The following CTNNA2 variants were observed in gnomAD, a reference collection of about 807,000 sequenced individuals.
CTNNA2 encodes the protein catenin alpha-2.
In CTNNA2, 42 loss-of-function variants were observed where a neutral mutation model predicts 101.0. The ratio of observed to expected loss-of-function variants is 0.42; its 90% CI spans 0.32 to 0.54. CTNNA2 has a LOEUF of 0.54. Ranked by LOEUF, CTNNA2 falls within the 20% of genes least tolerant of loss-of-function variation. CTNNA2 has a pLI of 0.14. For synonymous variants in CTNNA2, 450 were observed against 456.4 expected (o/e 0.99, Z 0.18); for missense variants, 871 against 1,223.1 (o/e 0.71, Z 4.29).
At chr2:79,692,417 T>C (rs377510039) in intron 2 of CTNNA2, among the ~76,000 whole-genome samples, 1 of 152,126 alleles carries the variant, frequency 6.6e-6, no homozygotes, top group Non-Finnish European at 1.5e-5. Flanking sequence ...TTTACACGGT[T>C]GGTAGAAGTA....
At chr2:80,053,343 A>G (rs1368008655) in intron 7 of CTNNA2, among the ~76,000 whole-genome samples, 1 of 152,230 alleles carries the variant, frequency 6.6e-6, no homozygotes, top group East Asian at 1.9e-4. Context: ...AAATGCCGGT[A>G]AATAATGGCA....
intron 7 of CTNNA2, among the ~76,000 whole-genome samples, chr2:80,307,049 A>G (rs372448785): frequency 2.0e-5 from 3 of 148,314 alleles, no homozygotes; most frequent in Non-Finnish European, 4.5e-5. Flanking sequence ...AATAAATTAT[A>G]TATATATATT....
intron 1 of CTNNA2, chr2:79,547,322 C>G (rs1332705073): frequency 6.6e-6 from 1 of 152,140 alleles, no homozygotes; most frequent in African/African-American, 2.4e-5. Context: ...AAGAATTGCT[C>G]TCCCATATGA....
At chr2:80,487,451 A>G (rs1481934321) in intron 9 of CTNNA2, among the ~76,000 whole-genome samples, 7 of 152,076 alleles carry the variant, frequency 4.6e-5, no homozygotes, top group Non-Finnish European at 1.0e-4. Context: ...AAAACTTATA[A>G]TCATGGCAGA....
At chr2:79,907,171 A>G (rs1685480366) in intron 6 of CTNNA2, among the ~76,000 whole-genome samples, 1 of 152,194 alleles carries the variant, frequency 6.6e-6, no homozygotes, top group South Asian at 2.1e-4. Context: ...TTAAAGCAGA[A>G]CATATGGTTT....
intron 7 of CTNNA2, among the ~76,000 whole-genome samples, chr2:79,940,542 A>G (rs180690652): frequency 7.1e-4 from 108 of 152,324 alleles, no homozygotes; most frequent in Non-Finnish European, 1.8e-4. Context: ...GCCTTCTAGC[A>G]GGCAGCAGAT....
At chr2:79,341,178 C>T (rs1677129125) in intron 3 of CTNNA2, among the ~76,000 whole-genome samples, 1 of 152,060 alleles carries the variant, frequency 6.6e-6, no homozygotes, top group Non-Finnish European at 1.5e-5. Context: ...TGATCGTGAG[C>T]ACCATGTTTA....
At chr2:80,230,256 C>CTTT (rs1430035888) in intron 7 of CTNNA2, among the ~76,000 whole-genome samples, 3 of 103,664 alleles carry the variant, frequency 2.9e-5, no homozygotes, top group African/African-American at 1.3e-4. Flanking sequence ...CTTTTTTTTT[C>CTTT]TTTGTTTTTT....
At chr2:80,140,081 G>A (rs1241655434) in intron 7 of CTNNA2, among the ~76,000 whole-genome samples, 1 of 152,114 alleles carries the variant, frequency 6.6e-6, no homozygotes, top group Non-Finnish European at 1.5e-5. Flanking sequence ...AGGATTATTG[G>A]AACAATAGGC....
chr2:80,298,375 T>C (rs1314067489), intron 7 of CTNNA2: 1 of 152,236 alleles, frequency 6.6e-6, no homozygotes. Context: ...AAAACAGATA[T>C]AATTTCTGGT....
At chr2:79,845,282 G>T (rs1680149623) in intron 3 of CTNNA2, among the ~76,000 whole-genome samples, 1 of 151,186 alleles carries the variant, frequency 6.6e-6, no homozygotes, top group Middle Eastern at 3.4e-3. Context: ...CATCAAGCTG[G>T]AAGTAAGTAG....
chr2:80,413,070 T>G (rs2149397065), intron 8 of CTNNA2, among the ~76,000 whole-genome samples: 1 of 152,248 alleles, frequency 6.6e-6, no homozygotes, highest in African/African-American at 2.4e-5. Context: ...CTACTATAAT[T>G]ATCTATTCCA....
intron 7 of CTNNA2, among the ~76,000 whole-genome samples, chr2:79,924,335 G>T (rs921375003): frequency 6.6e-6 from 1 of 151,988 alleles, no homozygotes; most frequent in African/African-American, 2.4e-5. Flanking sequence ...CTTCCCCATT[G>T]CTGGCTTAGG....
At chr2:79,520,794 T>C (rs1672062174) in intron 1 of CTNNA2, among the ~76,000 whole-genome samples, 1 of 152,046 alleles carries the variant, frequency 6.6e-6, no homozygotes, top group South Asian at 2.1e-4. Flanking sequence ...ATCCAAACAC[T>C]AAAATGACTA....
chr2:79,363,940 A>C (rs1677687544), intron 3 of CTNNA2, among the ~76,000 whole-genome samples: 1 of 152,214 alleles, frequency 6.6e-6, no homozygotes, highest in Non-Finnish European at 1.5e-5. Flanking sequence ...CATTGAAAAT[A>C]GCTAACTCCT....
chr2:80,634,646 G>T (rs142392292), intron 18 of CTNNA2, among the ~76,000 whole-genome samples: 82 of 152,180 alleles, frequency 5.4e-4, no homozygotes, highest in Non-Finnish European at 1.1e-3. Flanking sequence ...GAGAATAAAC[G>T]GGGTAAAGGG....
At chr2:80,052,811 C>T (rs758980845) in intron 7 of CTNNA2, among the ~76,000 whole-genome samples, 6 of 152,154 alleles carry the variant, frequency 3.9e-5, no homozygotes, top group Admixed American at 6.5e-5. Flanking sequence ...TTGAGACAAA[C>T]GTCCTTTCAT....
chr2:80,312,429 GT>G (rs1238261655), intron 7 of CTNNA2, among the ~76,000 whole-genome samples: 1 of 152,348 alleles, frequency 6.6e-6, no homozygotes, highest in East Asian at 1.9e-4. Flanking sequence ...GTGACCAAGG[GT>G]GACTCAGGTC....
intron 3 of CTNNA2, among the ~76,000 whole-genome samples, chr2:79,829,252 C>G (rs951963608): frequency 6.6e-6 from 1 of 152,000 alleles, no homozygotes; most frequent in South Asian, 2.1e-4. Context: ...GCGCGGTTGG[C>G]TCATGCCTGT....
Sources: gnomAD v4.1 joint callset for allele counts (sites outside exome capture counted in the v4.1 genomes callset) on GRCh38, gnomAD v4.1.1 for gene constraint, MANE v1.5 for transcripts, NCBI Gene and HGNC (gene_info 2026-07-23, HGNC 2026-07-21) for gene names.